XIRP2: variants seen among roughly 807,000 people sequenced by gnomAD.
XIRP2 encodes xin actin binding repeat containing 2, also known as xin actin-binding repeat-containing protein 2.
XIRP2 carries 236 observed loss-of-function variants against 277.0 expected under a neutral mutation model. The observed-to-expected ratio is 0.85, with a 90% confidence interval of 0.77 to 0.95. The LOEUF is 0.95. Among genes scored for constraint, XIRP2 ranks in the 40% least tolerant of loss-of-function variants. The pLI is 0.00. For synonymous variants in XIRP2, 1,490 were observed against 1,416.5 expected, an observed-to-expected ratio of 1.05 and a Z score of -1.17; for missense variants, 4,640 against 4,157.5, an observed-to-expected ratio of 1.12 and a Z score of -3.19.
chr2:167,211,095 C>A (rs913080000), intron 4 of XIRP2, among the ~76,000 whole-genome samples, 200 bp downstream of exon 4: 1 of 152,200 alleles, frequency 6.6e-6, no homozygotes, highest in Middle Eastern at 3.4e-3. Flanking sequence ...ATCTGAACTA[C>A]TATTTTTATT....
chr2:167,202,372 C>G (rs527537611), intron 3 of XIRP2, among the ~76,000 whole-genome samples: 1 of 152,224 alleles, frequency 6.6e-6, no homozygotes, highest in East Asian at 1.9e-4. Context: ...TTTCTTAATT[C>G]ATAACTGCTC....
At position 167,181,017 on chromosome 2, in the gene XIRP2, C is replaced by T. The variant is rs553402792; in HGVS notation, c.563-29718C>T. 3.9e-4 allele frequency among the ~76,000 whole-genome samples: 59 copies of T among 152,328 alleles called. 1 individual carries two copies. Among genetic ancestry groups the T allele is most frequent in the Non-Finnish European group, 6.9e-4 (47 of 68,028 alleles). On this transcript the variant is annotated intron_variant, in intron 3 of 10. Transcript: ENST00000409195. ...TGTGTTTTCAGATACAATGTGTAAA[C>T]TTCCTTTTGTATGGTACAAACCATG... is the stretch of plus-strand genomic sequence containing the variant.
chr2:167,001,012 A>G (rs552207506), intron 2 of XIRP2, among the ~76,000 whole-genome samples: 1 of 152,260 alleles, frequency 6.6e-6, no homozygotes, highest in African/African-American at 2.4e-5. Context: ...GTGCCTGTAA[A>G]TAGCCCCTTC....
chr2:167,239,769 G>T, intron 5 of XIRP2, 86 bp from the exon 6 acceptor site: 1 of 1,141,952 alleles, frequency 8.8e-7, no homozygotes, highest in Admixed American at 2.7e-5. Flanking sequence ...TTTTTTTTCA[G>T]AAATTGTCAC....
intron 2 of XIRP2, among the ~76,000 whole-genome samples, chr2:167,096,853 T>G (rs1690332482): frequency 6.6e-6 from 1 of 152,102 alleles, no homozygotes; most frequent in South Asian, 2.1e-4. Context: ...AGTTGTGTGG[T>G]TTTGAGTGAG....
intron 2 of XIRP2, among the ~76,000 whole-genome samples, chr2:166,925,083 A>G (rs887471760): frequency 2.6e-5 from 4 of 151,994 alleles, no homozygotes; most frequent in Non-Finnish European, 5.9e-5. Flanking sequence ...AAAGTATTTC[A>G]GGCTATGCAT....
chr2:167,211,992 C>CA (rs1305262121), intron 4 of XIRP2, among the ~76,000 whole-genome samples: 1 of 151,726 alleles, frequency 6.6e-6, no homozygotes, highest in African/African-American at 2.4e-5. Context: ...AGAGAAAAGC[C>CA]AAAAAAGGTG....
At chr2:167,037,654 G>C (rs1688547650) in intron 2 of XIRP2, among the ~76,000 whole-genome samples, 1 of 151,624 alleles carries the variant, frequency 6.6e-6, no homozygotes, top group African/African-American at 2.4e-5. Flanking sequence ...CCTCAGGCTA[G>C]GGTATATTTT....
intron 1 of XIRP2, among the ~76,000 whole-genome samples, chr2:166,901,676 T>A (rs930684197): frequency 6.6e-6 from 1 of 152,152 alleles, no homozygotes; most frequent in Non-Finnish European, 1.5e-5. Flanking sequence ...CGTCCACATA[T>A]GAGACACAGA....
chr2:167,157,573 C>T (rs1692237018), intron 3 of XIRP2, among the ~76,000 whole-genome samples: 1 of 152,056 alleles, frequency 6.6e-6, no homozygotes, highest in Non-Finnish European at 1.5e-5. Context: ...TAGATATACA[C>T]ACCACACTCA....
intron 2 of XIRP2, among the ~76,000 whole-genome samples, chr2:166,954,820 A>C (rs920034382): frequency 2.0e-5 from 3 of 151,908 alleles, no homozygotes; most frequent in Non-Finnish European, 4.4e-5. Flanking sequence ...AGGAACAAAA[A>C]CCTAAACACT....
chr2:167,047,485 A>G (rs1256381815), intron 2 of XIRP2, among the ~76,000 whole-genome samples: 1 of 151,930 alleles, frequency 6.6e-6, no homozygotes, highest in African/African-American at 2.4e-5. Context: ...ACAAATGTCA[A>G]TTATCTGCCA....
At chr2:167,010,213 A>T (rs908719623) in intron 2 of XIRP2, among the ~76,000 whole-genome samples, 2 of 152,020 alleles carry the variant, frequency 1.3e-5, no homozygotes, top group Admixed American at 6.6e-5. Context: ...GTCTAACGTT[A>T]AAGTCTTTAA....
intron 5 of XIRP2, among the ~76,000 whole-genome samples, chr2:167,219,410 A>G (rs1430788274): frequency 2.6e-5 from 4 of 152,212 alleles, no homozygotes; most frequent in Non-Finnish European, 5.9e-5. Context: ...TATTACTATC[A>G]TTAATAGTTT....
intron 2 of XIRP2, among the ~76,000 whole-genome samples, chr2:167,092,577 A>G (rs574047721): frequency 2.6e-5 from 4 of 152,266 alleles, no homozygotes; most frequent in African/African-American, 7.2e-5. Context: ...TTCAATGTTG[A>G]AAATAAAAAA....
At chr2:167,132,954 C>T (rs115027923) in intron 2 of XIRP2, among the ~76,000 whole-genome samples, 2,090 of 152,218 alleles carry the variant, frequency 0.014, 56 homozygotes, top group African/African-American at 0.048. Context: ...AGGTGAAAAA[C>T]ATTTCTTTAT....
intron 4 of XIRP2, among the ~76,000 whole-genome samples, chr2:167,213,895 AG>A (rs1218552734): frequency 6.6e-6 from 1 of 152,074 alleles, no homozygotes; most frequent in Non-Finnish European, 1.5e-5. Flanking sequence ...GCGTAATGAT[AG>A]TACCAGGGGT....
chr2:167,146,931 T>C (rs1431851924), intron 3 of XIRP2, among the ~76,000 whole-genome samples: 1 of 152,138 alleles, frequency 6.6e-6, no homozygotes, highest in Non-Finnish European at 1.5e-5. Flanking sequence ...TGCTCAATAG[T>C]AAAAATAAAA....
At chr2:167,060,486 TC>T (rs1689149502) in intron 2 of XIRP2, among the ~76,000 whole-genome samples, 1 of 152,214 alleles carries the variant, frequency 6.6e-6, no homozygotes, top group Non-Finnish European at 1.5e-5. Context: ...TCTTTTTATT[TC>T]CTATGTTTAT....
Sources: gnomAD v4.1 joint callset for allele counts (sites outside exome capture counted in the v4.1 genomes callset) on GRCh38, gnomAD v4.1.1 for gene constraint, MANE v1.5 for transcripts, NCBI Gene and HGNC (gene_info 2026-07-23, HGNC 2026-07-21) for gene names.